SLCO2A1: variants seen among roughly 807,000 people sequenced by gnomAD.
SLCO2A1 encodes the protein solute carrier organic anion transporter family member 2A1, also known as matrin F/G 1.
A neutral mutation model predicts 71.7 loss-of-function variants in SLCO2A1; 60 were observed. The observed-to-expected ratio is 0.84, with a 90% CI of 0.68 to 1.04. SLCO2A1 has a LOEUF of 1.04. Among genes scored for constraint, SLCO2A1 ranks in the 50% least tolerant of loss-of-function variants. SLCO2A1 has a pLI of 0.00. For missense variants in SLCO2A1, 745 were observed against 813.4 expected, an observed-to-expected ratio of 0.92 and a Z score of 1.02; for synonymous variants, 308 against 326.7, an observed-to-expected ratio of 0.94 and a Z score of 0.62.
intron 1 of SLCO2A1, among the ~76,000 whole-genome samples, chr3:134,029,312 C>T (rs1238434973): frequency 2.6e-5 from 4 of 152,138 alleles, no homozygotes; most frequent in Non-Finnish European, 5.9e-5. Flanking sequence ...ATCCCATTGA[C>T]GAAGTAACCG....
At chr3:133,964,079 C>T (rs894185541) in intron 3 of SLCO2A1, among the ~76,000 whole-genome samples, 33 of 152,300 alleles carry the variant, frequency 2.2e-4, no homozygotes, top group African/African-American at 7.2e-4. Context: ...TAAAATGATT[C>T]CTATGGGCAA....
rs140384214 is a variant in SLCO2A1, at chr3:134,028,031, C to T, written c.96+1676G>A. 2.5e-3 allele frequency among the ~76,000 whole-genome samples: 375 copies of T among 152,316 alleles called. 1 individual carries two copies. The highest frequency in any genetic ancestry group is 4.2e-3 in the Non-Finnish European group (288 of 68,024). On this transcript the variant is annotated intron_variant, in intron 1 of 13. Coordinates refer to ENST00000310926, the MANE Select transcript of SLCO2A1 (RefSeq NM_005630.3). ...TTGGCCTGAGCCCAGCCCTCAGGTA[C>T]GTGTGGTTAAATCATCAACACATGA... is the stretch of plus-strand genomic sequence containing the variant.
chr3:133,989,350 A>C (rs1432440936), intron 1 of SLCO2A1, among the ~76,000 whole-genome samples: 1 of 152,058 alleles, frequency 6.6e-6, no homozygotes, highest in Non-Finnish European at 1.5e-5. Context: ...CATTTTGTTC[A>C]GTTCTTTGTT....
At chr3:134,005,760 C>T (rs1164673496) in intron 1 of SLCO2A1, among the ~76,000 whole-genome samples, 3 of 152,080 alleles carry the variant, frequency 2.0e-5, no homozygotes, top group African/African-American at 7.2e-5. Context: ...GGATTACAGG[C>T]GTGAGCTACC....
chr3:133,976,154 G>A (rs1934440779), intron 2 of SLCO2A1, among the ~76,000 whole-genome samples: 1 of 152,230 alleles, frequency 6.6e-6, no homozygotes, highest in African/African-American at 2.4e-5. Flanking sequence ...GGCCAAGAGT[G>A]AGATGGTTTA....
intron 9 of SLCO2A1, among the ~76,000 whole-genome samples, chr3:133,945,954 G>A (rs75274277): frequency 0.043 from 6,510 of 152,300 alleles, 467 homozygotes; most frequent in African/African-American, 0.15. Flanking sequence ...TTATTTGCCT[G>A]TTGTGGATTA....
intron 3 of SLCO2A1, among the ~76,000 whole-genome samples, chr3:133,960,106 C>T (rs1010161322): frequency 6.0e-5 from 9 of 150,714 alleles, no homozygotes; most frequent in Admixed American, 2.0e-4. Context: ...GGTGACAGAG[C>T]GAGACTCCGT....
intron 1 of SLCO2A1, among the ~76,000 whole-genome samples, chr3:133,983,141 C>T (rs4367057): frequency 0.33 from 49,505 of 152,034 alleles, 8,491 homozygotes; most frequent in Non-Finnish European, 0.39. Flanking sequence ...AGAGAAGTGA[C>T]GCTATGTGAC....
At chr3:134,000,338 G>A (rs1451093033) in intron 1 of SLCO2A1, among the ~76,000 whole-genome samples, 1 of 152,178 alleles carries the variant, frequency 6.6e-6, no homozygotes, top group Non-Finnish European at 1.5e-5. Context: ...CCACAGAGAG[G>A]AGGTCACTGA....
At chr3:133,946,252 CAG>C (rs1933576449) in intron 9 of SLCO2A1, among the ~76,000 whole-genome samples, 2 of 138,958 alleles carry the variant, frequency 1.4e-5, no homozygotes, top group African/African-American at 5.5e-5. Context: ...AAAAAAAAAA[CAG>C]AGAAAATACC....
intron 2 of SLCO2A1, among the ~76,000 whole-genome samples, chr3:133,976,999 G>A (rs1464832890): frequency 1.3e-5 from 2 of 152,162 alleles, no homozygotes; most frequent in South Asian, 2.1e-4. Context: ...GCAGACTGAA[G>A]GTTCATGCTT....
At chr3:133,940,762 G>A (rs183745357) in intron 11 of SLCO2A1, among the ~76,000 whole-genome samples, 5 of 152,216 alleles carry the variant, frequency 3.3e-5, no homozygotes, top group East Asian at 3.9e-4. Context: ...GCAACACGCC[G>A]TGGGTTCCAA....
chr3:133,946,160 C>T (rs555291612), intron 9 of SLCO2A1, among the ~76,000 whole-genome samples: 1 of 151,998 alleles, frequency 6.6e-6, no homozygotes, highest in East Asian at 1.9e-4. Context: ...GGTGAGCTCC[C>T]TACCCCGAGC....
At chr3:134,015,543 C>A (rs983776931) in intron 1 of SLCO2A1, among the ~76,000 whole-genome samples, 21 of 152,036 alleles carry the variant, frequency 1.4e-4, no homozygotes, top group African/African-American at 5.1e-4. Context: ...TGACTATAGT[C>A]AACAATAATG....
At position 134,024,524 on chromosome 3, in the gene SLCO2A1, CTATGTG is replaced by C. The variant is rs1935658328; in HGVS notation, c.96+5177_96+5182del. On this transcript the variant is annotated intron_variant, in intron 1 of 13. Coordinates refer to ENST00000310926, the MANE Select transcript of SLCO2A1 (RefSeq NM_005630.3). ...ATGACCTGGCAAAACTCTTTACACT[CTATGTG>C]TCAGAAAGAGAAAAAATGGCAGTTG... Among the ~76,000 whole-genome samples the C allele has an allele frequency of 2.0e-5, 3 of 152,196 alleles. No individual in the cohort carries two copies. In the South Asian group the frequency reaches 6.2e-4, roughly 32 times the overall value.
In SLCO2A1 at chr3:133,942,738, C is replaced by G. The variant is rs1299382719; in HGVS notation, c.1492G>C (p.Gly498Arg). The change falls in exon 11 of 14, where the codon GGA becomes CGA. Residue 498 changes from glycine to arginine, a missense_variant. Transcript: ENST00000310926. ...IYLNCSCVTG[G>R]SASAKTGSCP... ...GATCCTGTCTTTGCTGAAGCGGATC[C>G]CCCGGTCACACAGCTGCAGTTCAAA... 2 of 1,609,480 alleles carry G rather than the reference C, an allele frequency of 1.2e-6. No individual in the cohort carries two copies. The highest frequency in any genetic ancestry group is 2.7e-5 in the African/African-American group (2 of 74,646).
intron 1 of SLCO2A1, among the ~76,000 whole-genome samples, chr3:134,001,994 G>C (rs1935113424): frequency 6.6e-6 from 1 of 152,174 alleles, no homozygotes; most frequent in Admixed American, 6.5e-5. Context: ...GAAATGTTTA[G>C]TTAAGGCATG....
At chr3:133,986,867 T>C (rs1489238608) in intron 1 of SLCO2A1, among the ~76,000 whole-genome samples, 2 of 152,180 alleles carry the variant, frequency 1.3e-5, no homozygotes, top group Non-Finnish European at 2.9e-5. Flanking sequence ...TGGCTTTTTT[T>C]GATCTACATG....
chr3:133,977,174 C>T (rs1047487237), intron 2 of SLCO2A1, among the ~76,000 whole-genome samples: 6 of 152,108 alleles, frequency 3.9e-5, no homozygotes, highest in Non-Finnish European at 1.5e-5. Flanking sequence ...GACACAGATA[C>T]ACACACACAG....
Sources: allele counts gnomAD v4.1 joint callset (sites outside exome capture counted in the v4.1 genomes callset), GRCh38; gene constraint gnomAD v4.1.1; transcripts MANE v1.5; gene names NCBI Gene and HGNC (gene_info 2026-07-23, HGNC 2026-07-21).